The following FCAMR variants were observed in gnomAD, a reference collection of about 807,000 sequenced individuals.
FCAMR encodes the protein Fc alpha and mu receptor.
Under a neutral mutation model 52.2 loss-of-function variants are expected in FCAMR, and 51 were observed. The ratio of observed to expected loss-of-function variants is 0.98; its 90% CI spans 0.78 to 1.23. The LOEUF (loss-of-function observed/expected upper bound fraction) is 1.23. FCAMR is among the 50% of genes most tolerant of loss of function. The pLI is 0.00. For synonymous variants in FCAMR, 282 were observed against 262.0 expected, an observed-to-expected ratio of 1.08 and a Z score of -0.74; for missense variants, 719 against 712.6, an observed-to-expected ratio of 1.01 and a Z score of -0.10.
chr1:206,965,499 T>TGCC (rs1417941740), intron 4 of FCAMR, among the ~76,000 whole-genome samples: 1 of 152,234 alleles, frequency 6.6e-6, no homozygotes. Flanking sequence ...GGTCAATGTG[T>TGCC]GCCCACCTGG....
In FCAMR at chr1:206,958,560, C is replaced by G. The variant is rs1383619003; in HGVS notation, c.1690G>C (p.Ala564Pro). 6 of 1,613,394 alleles carry G rather than the reference C, an allele frequency of 3.7e-6. No individual in the cohort carries two copies. The highest frequency in any genetic ancestry group is 5.1e-6 in the Non-Finnish European group (6 of 1,179,912). ...RKMLQDDSLP[A>P]GASLTAPERN... ...TCTGGGGCAGTCAGGCTGGCCCCAG[C>G]AGGAAGAGAGTCATCCTGGAGCATC... is the stretch of plus-strand genomic sequence containing the variant. The change falls in exon 8 of 8, where the codon GCT becomes CCT. Residue 564 changes from alanine to proline, a missense_variant. Transcript: ENST00000324852.
At chr1:206,968,017 A>G (rs1162507650) in intron 1 of FCAMR, among the ~76,000 whole-genome samples, 2 of 152,178 alleles carry the variant, frequency 1.3e-5, no homozygotes, top group Admixed American at 6.5e-5. Flanking sequence ...TCACTACACA[A>G]TGGTCTTTTA....
At chr1:206,966,043 G>T (rs1680696756) in intron 3 of FCAMR, 185 bp from the exon 4 acceptor site, 1 of 757,544 alleles carries the variant, frequency 1.3e-6, no homozygotes, top group Non-Finnish European at 2.2e-6. Context: ...ACCTTGCTGG[G>T]GTCTCAAGCA....
intron 1 of FCAMR, among the ~76,000 whole-genome samples, 168 bp downstream of exon 1, chr1:206,969,919 A>G (rs1680869494): frequency 6.6e-6 from 1 of 152,140 alleles, no homozygotes; most frequent in Non-Finnish European, 1.5e-5. Context: ...TAGGGAGCTG[A>G]GAGGGAGCCC....
intron 4 of FCAMR, among the ~76,000 whole-genome samples, chr1:206,963,942 C>T (rs1680608321): frequency 1.3e-5 from 2 of 152,226 alleles, no homozygotes; most frequent in South Asian, 4.1e-4. Context: ...GCTCTGTGGT[C>T]ATAGTCCCCT....
At chr1:206,965,880 G>A (rs980317842) in intron 3 of FCAMR, 22 bp from the exon 4 acceptor site, 1 of 1,608,586 alleles carries the variant, frequency 6.2e-7, no homozygotes, top group Non-Finnish European at 8.5e-7. Context: ...GAAGGAGATG[G>A]GTCATCAGGG....
chr1:206,959,847 A>G, intron 6 of FCAMR, 50 bp from the exon 7 acceptor site: 1 of 1,383,612 alleles, frequency 7.2e-7, no homozygotes, highest in South Asian at 1.2e-5. Flanking sequence ...GGAGCTGGGC[A>G]GAAGATTAAA....
At position 206,967,052 on chromosome 1, in the gene FCAMR, C is replaced by T. The variant is rs1270525682; in HGVS notation, c.169G>A (p.Gly57Ser). The T allele has an allele frequency of 1.2e-6, 2 of 1,613,836 alleles. No individual in the cohort carries two copies. Among genetic ancestry groups the T allele is most frequent in the Admixed American group, 1.7e-5 (1 of 60,014 alleles). Residue 57 changes from glycine to serine, a missense_variant and splice_region_variant, in exon 3 of 8, where the codon GGT (glycine) becomes AGT (serine). Transcript: ENST00000324852. ...PLFLILCLLQGSSFALPQKRP... is the reference protein window; with the variant it reads ...PLFLILCLLQSSSFALPQKRP... ...AACCTGGGCTGGGTTTGGGACTCACCTTGTAGCAGGCACAGTATGAGGAAG... is the reference window on the plus strand; with the variant it reads ...AACCTGGGCTGGGTTTGGGACTCACTTTGTAGCAGGCACAGTATGAGGAAG...
chr1:206,965,800 A>G lies in FCAMR; in HGVS notation c.228T>C (p.Ser76=). Residue 76 remains serine, a synonymous_variant, in exon 4 of 8, where the codon TCT becomes TCC. Transcript: ENST00000324852. ...CCCGGAGATGGGTCCTGGAGGGGAGAGAGCCCTCCCACAGCCATCTCGGAT... is the reference window on the plus strand; with the variant it reads ...CCCGGAGATGGGTCCTGGAGGGGAGGGAGCCCTCCCACAGCCATCTCGGAT... ...RPHPRWLWEG[S]LPSRTHLRAM... 2 of 1,597,006 alleles carry G rather than the reference A, an allele frequency of 1.3e-6. No homozygotes were observed. Among genetic ancestry groups the G allele is most frequent in the Non-Finnish European group, 1.7e-6 (2 of 1,173,358 alleles).
In FCAMR at chr1:206,962,252, T is replaced by C; in HGVS notation, c.613A>G (p.Asn205Asp). Residue 205 changes from asparagine (N) to aspartate (D), a missense_variant, in exon 5 of 8, where the codon AAC (asparagine) becomes GAC (aspartate). Transcript: ENST00000324852. ...CYLCGIGSEN[N>D]MLFLSMNLTI... ...AGATTCATGCTTAAGAACAGCATGT[T>C]GTTTTCACTTCCAATGCCGCAGAGG... 1 of 1,614,198 alleles carries C rather than the reference T, an allele frequency of 6.2e-7. No individual in the cohort carries two copies. The highest frequency in any genetic ancestry group is 8.5e-7 in the Non-Finnish European group (1 of 1,180,026).
intron 5 of FCAMR, 88 bp downstream of exon 5, chr1:206,962,125 C>T (rs1680529845): frequency 1.8e-5 from 24 of 1,315,418 alleles, no homozygotes; most frequent in South Asian, 2.7e-5. Flanking sequence ...ATGTTTCAAG[C>T]CCTTCTGGGT....
At position 206,958,455 on chromosome 1, in the gene FCAMR, C is replaced by T. The variant is rs1680346633; in HGVS notation, c.*61G>A. 2 of 1,504,974 alleles carry T rather than the reference C, an allele frequency of 1.3e-6. No homozygotes were observed. Among genetic ancestry groups the T allele is most frequent in the Admixed American group, 4.2e-5 (2 of 47,066 alleles). 93.2% of individuals were successfully genotyped at this position (1,504,974 alleles called of 1,614,324 possible). ...AGGATGATGGAAAGAGGCTGGGGTC[C>T]TGAAGGCCTTTGATCTTGGTCCTTC... On this transcript the variant is annotated 3_prime_UTR_variant, in exon 8 of 8. Coordinates refer to ENST00000324852, the MANE Select transcript of FCAMR (RefSeq NM_001170631.2).
In FCAMR at chr1:206,962,508, A is replaced by G; in HGVS notation, c.357T>C (p.Pro119=). The part of the protein sequence containing the change: ...LKGSRLVSGE[P]GGAVTIQCHY... ...GGCACTGGATGGTGACAGCTCCTCC[A>G]GGCTCCCCTGACACCAGCCTTGAGC... Residue 119 remains proline, a synonymous_variant, in exon 5 of 8, where the codon CCT becomes CCC. Coordinates refer to ENST00000324852, the MANE Select transcript of FCAMR (RefSeq NM_001170631.2). The G allele has an allele frequency of 6.2e-7, 1 of 1,601,004 alleles. No homozygotes were observed. Among genetic ancestry groups the G allele is most frequent in the Non-Finnish European group, 8.5e-7 (1 of 1,170,466 alleles).
At chr1:206,968,326 T>G (rs1680795284) in intron 1 of FCAMR, among the ~76,000 whole-genome samples, 1 of 148,616 alleles carries the variant, frequency 6.7e-6, no homozygotes, top group Non-Finnish European at 1.5e-5. Flanking sequence ...AGAGCAAGAC[T>G]CTGTCTCAAC....
At chr1:206,970,495 C>T (rs371866335), upstream of FCAMR, 36 of 165,880 alleles carry the variant, frequency 2.2e-4, no homozygotes, top group African/African-American at 8.1e-4. Context: ...TTTAGGGTGC[C>T]CCAGCTTACC....
At chr1:206,964,447 G>A (rs1327899211) in intron 4 of FCAMR, among the ~76,000 whole-genome samples, 3 of 151,788 alleles carry the variant, frequency 2.0e-5, no homozygotes, top group East Asian at 1.9e-4. Context: ...AATGTTGAGG[G>A]TGGGGCCTGG....
rs1452895101 is a variant in FCAMR at position 206,960,683 on chromosome 1, G to GA, written c.1192dup (p.Ser398PhefsTer2). ...AATGGAACCCTGAGATTGTTGCTTA[G>GA]AAACTGGCGTTGCTTGTGGGAGGAT... is the stretch of plus-strand genomic sequence containing the variant. On this transcript the variant is annotated frameshift_variant, in exon 6 of 8. Transcript: ENST00000324852. LOFTEE classifies it high-confidence loss of function. 10 of 1,552,052 alleles carry GA rather than the reference G, an allele frequency of 6.4e-6. No homozygotes were observed. The highest frequency in any genetic ancestry group is 8.7e-6 in the Non-Finnish European group (10 of 1,147,106).
intron 1 of FCAMR, among the ~76,000 whole-genome samples, chr1:206,968,584 G>T (rs1221093680): frequency 1.3e-5 from 2 of 152,196 alleles, no homozygotes; most frequent in Non-Finnish European, 2.9e-5. Context: ...TGGCCCATGG[G>T]CAGAAACCCC....
At chr1:206,966,351 C>T (rs1457796525) in intron 3 of FCAMR, among the ~76,000 whole-genome samples, 5 of 152,152 alleles carry the variant, frequency 3.3e-5, no homozygotes, top group East Asian at 3.8e-4. Context: ...GATTTTATCA[C>T]GCAGAGTGCT....
Sources: gnomAD v4.1 joint callset for allele counts (sites outside exome capture counted in the v4.1 genomes callset) on GRCh38, gnomAD v4.1.1 for gene constraint, MANE v1.5 for transcripts, NCBI Gene and HGNC (gene_info 2026-07-23, HGNC 2026-07-21) for gene names.